Variants in RGPD2 observed in about 807,000 individuals in gnomAD.
RGPD2 encodes RANBP2-like and GRIP domain-containing protein 2.
In RGPD2, 2 loss-of-function variants were observed where a neutral mutation model predicts 36.0. The ratio of observed to expected loss-of-function variants is 0.06; its 90% CI spans 0.02 to 0.17. RGPD2 has a LOEUF of 0.17. Among genes scored for constraint, RGPD2 ranks in the 10% least tolerant of loss-of-function variants. RGPD2 has a pLI of 1.00. For missense variants in RGPD2, 40 were observed against 464.3 expected, an observed-to-expected ratio of 0.09 and a Z score of 8.40; for synonymous variants, 19 against 163.8, an observed-to-expected ratio of 0.12 and a Z score of 6.75.
At chr2:87,962,587 T>A in the RGPD2 span, among the ~76,000 whole-genome samples, 3 of 151,460 alleles carry the variant, frequency 2.0e-5, no homozygotes, top group African/African-American at 7.3e-5. Context: ...AGGTAGTTGA[T>A]TTCTTTCACT....
the RGPD2 span, among the ~76,000 whole-genome samples, chr2:87,874,637 TGTAATTTGAA>T: frequency 6.7e-6 from 1 of 149,722 alleles, no homozygotes; most frequent in African/African-American, 2.4e-5. Flanking sequence ...TGAAGTGTAG[TGTAATTTGAA>T]GTCAGGTAAT....
the RGPD2 span, among the ~76,000 whole-genome samples, chr2:87,876,305 A>G: frequency 1.3e-5 from 2 of 150,914 alleles, no homozygotes; most frequent in African/African-American, 4.9e-5. Context: ...TTTTGTTAAA[A>G]AAATTTGTGA....
At chr2:87,825,402 CAGGCCG>C (rs1553430520) in intron 1 of RGPD2, among the ~76,000 whole-genome samples, 1 of 130,474 alleles carries the variant, frequency 7.7e-6, no homozygotes, top group African/African-American at 3.0e-5. Flanking sequence ...GCCGCCCGGC[CAGGCCG>C]AGGCCGAGGC....
the RGPD2 span, among the ~76,000 whole-genome samples, chr2:87,857,519 T>A: frequency 6.6e-6 from 1 of 151,548 alleles, no homozygotes; most frequent in South Asian, 2.1e-4. Context: ...ATTTTTTGTA[T>A]TTTTAGTAGA....
intron 4 of RGPD2, among the ~76,000 whole-genome samples, chr2:87,815,151 T>C (rs545069548): frequency 6.8e-6 from 1 of 148,086 alleles, no homozygotes; most frequent in East Asian, 2.0e-4. Flanking sequence ...GAAAACTATA[T>C]ACATACACAT....
chr2:87,967,649 A>G, the RGPD2 span, among the ~76,000 whole-genome samples: 2 of 147,772 alleles, frequency 1.4e-5, no homozygotes. Flanking sequence ...TTGCATGAAT[A>G]AACCAAACAG....
the RGPD2 span, among the ~76,000 whole-genome samples, chr2:87,842,414 T>G: frequency 2.0e-5 from 3 of 149,706 alleles, no homozygotes; most frequent in African/African-American, 7.6e-5. Context: ...TATACACCAA[T>G]AACAGATAAA....
At chr2:87,917,080 A>G in the RGPD2 span, among the ~76,000 whole-genome samples, 2 of 152,082 alleles carry the variant, frequency 1.3e-5, no homozygotes, top group Admixed American at 6.6e-5. Flanking sequence ...AAAAGGTTAC[A>G]GGTGGAGGAC....
chr2:87,883,166 A>G, the RGPD2 span, among the ~76,000 whole-genome samples: 2 of 152,136 alleles, frequency 1.3e-5, no homozygotes, highest in African/African-American at 2.4e-5. Flanking sequence ...GTATAACACC[A>G]AAACAGTAAA....
chr2:87,812,857 G>A (rs1686147567), intron 4 of RGPD2, among the ~76,000 whole-genome samples: 1 of 150,644 alleles, frequency 6.6e-6, no homozygotes, highest in Admixed American at 6.6e-5. Flanking sequence ...TGTAGAGATG[G>A]GGTCTTGCCG....
At chr2:87,824,251 CAA>C (rs1436798459) in intron 1 of RGPD2, among the ~76,000 whole-genome samples, 2 of 151,542 alleles carry the variant, frequency 1.3e-5, no homozygotes, top group Admixed American at 6.6e-5. Flanking sequence ...CTCTGCCTCC[CAA>C]AGTGCTCGGA....
At chr2:87,957,504 C>T in the RGPD2 span, among the ~76,000 whole-genome samples, 820 of 152,148 alleles carry the variant, frequency 5.4e-3, 6 homozygotes, top group African/African-American at 0.019. Context: ...CTTCCTGGTT[C>T]ATAGATGGCA....
intron 20 of RGPD2, among the ~76,000 whole-genome samples, chr2:87,775,750 CA>C (rs1685239652): frequency 1.1e-5 from 1 of 89,852 alleles, no homozygotes; most frequent in African/African-American, 3.7e-5. Context: ...AAATTTTGAA[CA>C]GTAATATTAA....
the RGPD2 span, among the ~76,000 whole-genome samples, chr2:87,977,465 T>C: frequency 1.3e-5 from 2 of 150,958 alleles, no homozygotes; most frequent in African/African-American, 4.9e-5. Context: ...GTACACTAAA[T>C]GGATTTTTTT....
chr2:87,769,907 A>G (rs1355733840), intron 22 of RGPD2, among the ~76,000 whole-genome samples: 1 of 152,122 alleles, frequency 6.6e-6, no homozygotes, highest in African/African-American at 2.4e-5. Context: ...TTGAATAACT[A>G]CTAAAAATAT....
chr2:87,844,331 T>C, the RGPD2 span, among the ~76,000 whole-genome samples: 1 of 150,180 alleles, frequency 6.7e-6, no homozygotes. Flanking sequence ...TAATTATTAA[T>C]AGTGTTTTGC....
At chr2:87,815,113 G>A (rs1686244858) in intron 4 of RGPD2, among the ~76,000 whole-genome samples, 1 of 144,654 alleles carries the variant, frequency 6.9e-6, no homozygotes, top group Admixed American at 6.7e-5. Flanking sequence ...AGTAGTGGTG[G>A]TATGAATCTA....
chr2:87,845,473 G>T, the RGPD2 span, among the ~76,000 whole-genome samples: 6,526 of 148,794 alleles, frequency 0.044, no homozygotes, highest in East Asian at 0.086. Context: ...TTTTTTCATT[G>T]ATGAAACAAT....
At chr2:87,937,680 C>G in the RGPD2 span, among the ~76,000 whole-genome samples, 1 of 151,914 alleles carries the variant, frequency 6.6e-6, no homozygotes, top group Non-Finnish European at 1.5e-5. Flanking sequence ...CCATTAGTCC[C>G]CACCTCAGAC....
Sources: allele counts gnomAD v4.1 joint callset (sites outside exome capture counted in the v4.1 genomes callset), GRCh38; gene constraint gnomAD v4.1.1; transcripts MANE v1.5; gene names NCBI Gene and HGNC (gene_info 2026-07-23, HGNC 2026-07-21).